Variants in NME2 observed in about 807,000 individuals in gnomAD.
NME2 encodes nucleoside diphosphate kinase B.
In NME2, 18 loss-of-function variants were observed where a neutral mutation model predicts 17.8. The observed-to-expected ratio is 1.01, with a 90% CI of 0.70 to 1.50. The LOEUF is 1.50. NME2 is among the 40% of genes most tolerant of loss of function. The pLI, the probability that NME2 is intolerant of heterozygous loss-of-function variation, is 0.00. For synonymous variants in NME2, 74 were observed against 71.4 expected (o/e 1.04, Z -0.19); for missense variants, 161 against 195.6 (o/e 0.82, Z 1.05).
rs185882492 is a variant in NME2, at chr17:51,168,860, G to A, written c.228+517G>A. ...AGGAGTTAATCCCAGTTACTCAGGG[G>A]GCTGAAGCACGAGAATCGCTTGAAC... On this transcript the variant is annotated intron_variant, in intron 3 of 4. Transcript: ENST00000512737. Among the ~76,000 whole-genome samples, 62 of 150,746 alleles carry A rather than the reference G, an allele frequency of 4.1e-4. No homozygotes were observed. The East Asian group carries it at 0.01, about 25-fold the overall frequency.
At chr17:51,170,398 C>G (rs7218073) in intron 4 of NME2, among the ~76,000 whole-genome samples, 1 of 151,918 alleles carries the variant, frequency 6.6e-6, no homozygotes, top group Non-Finnish European at 1.5e-5. Flanking sequence ...CCTCGGCCCC[C>G]CAAGGTGCTG....
At chr17:51,169,747 CTTT>C in intron 3 of NME2, 187 bp from the exon 4 acceptor site, 1 of 532,722 alleles carries the variant, frequency 1.9e-6, no homozygotes, top group Non-Finnish European at 3.3e-6. Context: ...GTTGGACAGA[CTTT>C]TCTTTGAATC....
chr17:51,166,998 G>A, intron 2 of NME2, 42 bp downstream of exon 2: 1 of 1,609,216 alleles, frequency 6.2e-7, no homozygotes, highest in Non-Finnish European at 8.5e-7. Flanking sequence ...CAGCCGGCTC[G>A]CGGGTGTTTT....
At position 51,170,056 on chromosome 17, in the gene NME2, C is replaced by T; in HGVS notation, c.341+7C>T. ...TCTGCATTCAGGTTGGCAGGTAAGTCCGGGGACAGGAGGGTGGATGACTTT... is the reference window on the plus strand; with the variant it reads ...TCTGCATTCAGGTTGGCAGGTAAGTTCGGGGACAGGAGGGTGGATGACTTT... On this transcript the variant is annotated splice_region_variant and intron_variant, in intron 4 of 4. Coordinates refer to ENST00000512737, the MANE Select transcript of NME2 (RefSeq NM_002512.4). The T allele has an allele frequency of 1.2e-6, 2 of 1,603,314 alleles. No individual in the cohort carries two copies. The highest frequency in any genetic ancestry group is 1.7e-4 in the Middle Eastern group (1 of 6,030).
chr17:51,167,177 C>A lies in NME2; in HGVS notation c.126+221C>A, dbSNP rs904177017. ...GTGAAGCGCTGGTAGCGTGACTCGC[C>A]CTCCGGGTTTGGGTTCCTTCCCGCG... On this transcript the variant is annotated intron_variant, in intron 2 of 4. Coordinates refer to ENST00000512737, the MANE Select transcript of NME2 (RefSeq NM_002512.4). 2.8e-6 allele frequency: 3 copies of A among 1,061,264 alleles called. No homozygotes were observed. In the African/African-American group the frequency reaches 5.0e-5, roughly 18 times the overall value. The allele number at this position is 1,061,264 out of a possible 1,614,324, so 65.7% of individuals were successfully genotyped here. A position where few individuals can be genotyped will look rare whatever the true frequency, so the allele number is the denominator to read the frequency against.
At position 51,169,927 on chromosome 17, in the gene NME2, C is replaced by T. The variant is rs2050031680; in HGVS notation, c.229-10C>T. 7 of 1,613,100 alleles carry T rather than the reference C, an allele frequency of 4.3e-6. No individual in the cohort carries two copies. Among genetic ancestry groups the T allele is most frequent in the African/African-American group, 2.7e-5 (2 of 74,828 alleles). On this transcript the variant is annotated splice_polypyrimidine_tract_variant and intron_variant, in intron 3 of 4. Transcript: ENST00000512737. ...AGGTCTGATTATAAATCCATTTTCA[C>T]ACTTTCGAGGTCTGGGAGGGGCTGA...
chr17:51,169,856 C>T (rs1425538536), intron 3 of NME2, 81 bp from the exon 4 acceptor site: 14 of 1,256,566 alleles, frequency 1.1e-5, no homozygotes, highest in African/African-American at 3.0e-5. Flanking sequence ...ATTGATGTGT[C>T]GTGTCAGGTA....
At chr17:51,167,104 G>A (rs192659249) in intron 2 of NME2, 148 bp downstream of exon 2, 43,072 of 1,508,604 alleles carry the variant, frequency 0.029, 718 homozygotes, top group Admixed American at 0.04. Flanking sequence ...GGCGGCTTGG[G>A]CCCGCCGACC....
chr17:51,170,671 T>C (rs2050052433), intron 4 of NME2, among the ~76,000 whole-genome samples: 1 of 150,432 alleles, frequency 6.6e-6, no homozygotes, highest in Non-Finnish European at 1.5e-5. Flanking sequence ...CCTGTAATCC[T>C]AGCTACTCAG....
intron 2 of NME2, among the ~76,000 whole-genome samples, chr17:51,167,486 A>G (rs1016801348): frequency 3.3e-5 from 5 of 152,216 alleles, no homozygotes; most frequent in African/African-American, 1.2e-4. Flanking sequence ...GGTGAAGAGA[A>G]TGTTCTCAGT....
In NME2 at chr17:51,170,065, G is replaced by A. The variant is rs1186504831; in HGVS notation, c.341+16G>A. 6.3e-7 allele frequency: 1 copy of A among 1,596,072 alleles called. No homozygotes were observed. The highest frequency in any genetic ancestry group is 8.5e-7 in the Non-Finnish European group (1 of 1,171,126). On this transcript the variant is annotated intron_variant, in intron 4 of 4. Coordinates refer to ENST00000512737, the MANE Select transcript of NME2 (RefSeq NM_002512.4). ...AGGTTGGCAGGTAAGTCCGGGGACAGGAGGGTGGATGACTTTTATGCAACA... is the reference window on the plus strand; with the variant it reads ...AGGTTGGCAGGTAAGTCCGGGGACAAGAGGGTGGATGACTTTTATGCAACA...
chr17:51,171,733 T>G lies in NME2; in HGVS notation c.*129T>G. ...TAGAGCATATTTGCCAATAAAGCTTTTGGAAGCCGGACACTGTCTCCTTGT... is the reference window on the plus strand; with the variant it reads ...TAGAGCATATTTGCCAATAAAGCTTGTGGAAGCCGGACACTGTCTCCTTGT... On this transcript the variant is annotated 3_prime_UTR_variant, in exon 5 of 5. Coordinates refer to ENST00000512737, the MANE Select transcript of NME2 (RefSeq NM_002512.4). 1 of 683,582 alleles carries G rather than the reference T, an allele frequency of 1.5e-6. No individual in the cohort carries two copies. The highest frequency in any genetic ancestry group is 2.5e-6 in the Non-Finnish European group (1 of 403,374). The allele number at this position is 683,582 out of a possible 1,614,324, so 42.3% of individuals were successfully genotyped here. A position where few individuals can be genotyped will look rare whatever the true frequency, so the allele number is the denominator to read the frequency against.
upstream of NME2, chr17:51,165,648 T>C (rs574746004): frequency 6.6e-6 from 1 of 152,290 alleles, no homozygotes; most frequent in Non-Finnish European, 1.5e-5. Flanking sequence ...CACCTCAGGG[T>C]GAACTGGAAA....
At chr17:51,167,181 C>A (rs2049963279) in intron 2 of NME2, 3 of 1,028,742 alleles carry the variant, frequency 2.9e-6, no homozygotes, top group African/African-American at 3.4e-5. Flanking sequence ...ACTCGCCCTC[C>A]GGGTTTGGGT....
At position 51,168,225 on chromosome 17, in the gene NME2, C is replaced by T; in HGVS notation, c.127-17C>T. On this transcript the variant is annotated splice_polypyrimidine_tract_variant and intron_variant, in intron 2 of 4. Transcript: ENST00000512737. ...TTCCAGCTTAGCTCCTAACTGGTGC[C>T]TCCTCTCCAATGCCAGGCCTCTGAA... is the stretch of plus-strand genomic sequence containing the variant. The T allele has an allele frequency of 6.2e-7, 1 of 1,613,132 alleles. No individual in the cohort carries two copies. Among genetic ancestry groups the T allele is most frequent in the Non-Finnish European group, 8.5e-7 (1 of 1,179,456 alleles).
Position 51,168,327 on chromosome 17 carries a change from G to T in NME2, c.212G>T (p.Gly71Val). ...FPGLVKYMNS[G>V]PVVAMVWEGL... is the part of the protein sequence containing the mutation. ...GGGCTGGTGAAGTACATGAACTCAG[G>T]GCCGGTTGTGGCCATGGTGAGTGCT... The change falls in exon 3 of 5, where the codon GGG (glycine) becomes GTG (valine). Residue 71 changes from glycine (G) to valine (V), a missense_variant. Coordinates refer to ENST00000512737, the MANE Select transcript of NME2 (RefSeq NM_002512.4). The T allele has an allele frequency of 1.2e-6, 2 of 1,613,906 alleles. No individual in the cohort carries two copies.
At position 51,170,141 on chromosome 17, in the gene NME2, C is replaced by CT; in HGVS notation, c.341+92_341+93insT. The CT allele has an allele frequency of 5.3e-6, 5 of 942,458 alleles. No homozygotes were observed. The South Asian group carries it at 6.6e-5, about 12-fold the overall frequency. 58.4% of individuals were successfully genotyped at this position (942,458 alleles called of 1,614,324 possible). ...ATCCTACTTTCAGAAGAATCTGTGC[C>CT]CTTTTTTTTTTTTTTTTTTCTTGAG... On this transcript the variant is annotated intron_variant, in intron 4 of 4. Coordinates refer to ENST00000512737, the MANE Select transcript of NME2 (RefSeq NM_002512.4).
chr17:51,168,167 C>A, intron 2 of NME2, 75 bp from the exon 3 acceptor site: 5 of 1,454,160 alleles, frequency 3.4e-6, no homozygotes, highest in Non-Finnish European at 1.9e-6. Context: ...ACCGGACTTG[C>A]TAATGGGAGG....
chr17:51,166,797 C>A, intron 1 of NME2, 30 bp from the exon 2 acceptor site: 3 of 1,584,022 alleles, frequency 1.9e-6, no homozygotes, highest in East Asian at 2.4e-5. Context: ...AGCCTGCGCC[C>A]GGGCCCTGAC....
Sources: allele counts gnomAD v4.1 joint callset (sites outside exome capture counted in the v4.1 genomes callset), GRCh38; gene constraint gnomAD v4.1.1; transcripts MANE v1.5; gene names NCBI Gene and HGNC (gene_info 2026-07-23, HGNC 2026-07-21).